CCSER1: variants seen among roughly 807,000 people sequenced by gnomAD.
CCSER1 encodes serine-rich coiled-coil domain-containing protein 1.
CCSER1 carries 41 observed loss-of-function variants against 82.0 expected under a neutral mutation model. That is an observed-to-expected ratio of 0.50 (90% CI 0.39 to 0.65). The LOEUF (loss-of-function observed/expected upper bound fraction) is 0.65, where lower values mean the gene tolerates loss of function less well. Among genes scored for constraint, CCSER1 ranks in the 30% least tolerant of loss-of-function variants. The pLI, the probability that CCSER1 is intolerant of heterozygous loss-of-function variation, is 0.00. For missense variants in CCSER1, 1,119 were observed against 1,064.2 expected (o/e 1.05, Z -0.72); for synonymous variants, 414 against 383.9 (o/e 1.08, Z -0.92).
chr4:91,067,034 A>G (rs1016842121), intron 9 of CCSER1, among the ~76,000 whole-genome samples: 31 of 152,186 alleles, frequency 2.0e-4, no homozygotes, highest in Admixed American at 1.7e-3. Context: ...GCATGGTGGC[A>G]GGTGCCTGTA....
chr4:91,163,002 T>G (rs1409761929), intron 10 of CCSER1, among the ~76,000 whole-genome samples: 1 of 152,206 alleles, frequency 6.6e-6, no homozygotes, highest in African/African-American at 2.4e-5. Flanking sequence ...CTTGCCTCTC[T>G]ACTTCTTTTT....
At chr4:90,211,593 A>G (rs1740009764) in intron 1 of CCSER1, among the ~76,000 whole-genome samples, 1 of 152,240 alleles carries the variant, frequency 6.6e-6, no homozygotes, top group South Asian at 2.1e-4. Flanking sequence ...TGGCAAAATC[A>G]CATTGAAGGA....
At chr4:90,907,553 TCA>T (rs1449929046) in intron 8 of CCSER1, among the ~76,000 whole-genome samples, 2 of 152,092 alleles carry the variant, frequency 1.3e-5, no homozygotes, top group Non-Finnish European at 2.9e-5. Context: ...AATCTTTCAC[TCA>T]CAATGTAAAA....
chr4:90,916,747 T>G (rs896470624), intron 8 of CCSER1, among the ~76,000 whole-genome samples: 2 of 151,664 alleles, frequency 1.3e-5, no homozygotes, highest in African/African-American at 2.4e-5. Context: ...TGGGAGAAAA[T>G]TTTTGCAATC....
rs371463830 is a variant in CCSER1, at chr4:91,083,702, AAG to A, written c.2173-2246_2173-2245del. Among the ~76,000 whole-genome samples, 100 of 152,276 alleles carry A rather than the reference AAG, an allele frequency of 6.6e-4. No homozygotes were observed. The East Asian group carries it at 0.018, about 27-fold the overall frequency. On this transcript the variant is annotated intron_variant, in intron 9 of 10. Transcript: ENST00000509176. Reference sequence around the variant, plus strand: ...AATTAAACTTCTAGAAATGAAAACTAAGATAGCTGAAATAAAAATTTCACTGA... The same window carrying A: ...AATTAAACTTCTAGAAATGAAAACTAATAGCTGAAATAAAAATTTCACTGA...
chr4:91,402,825 G>A (rs1434812326), intron 10 of CCSER1, among the ~76,000 whole-genome samples: 1 of 152,174 alleles, frequency 6.6e-6, no homozygotes, highest in Admixed American at 6.5e-5. Context: ...AAGTCAGGTA[G>A]CATGATGCCT....
chr4:90,918,375 T>A, intron 8 of CCSER1: 2 of 405,440 alleles, frequency 4.9e-6, no homozygotes, highest in South Asian at 3.6e-5. Flanking sequence ...TTTTTGGGAT[T>A]ATTGAGTATT....
At chr4:90,411,214 A>G (rs1578338755) in intron 4 of CCSER1, among the ~76,000 whole-genome samples, 3 of 152,188 alleles carry the variant, frequency 2.0e-5, no homozygotes, top group South Asian at 2.1e-4. Context: ...AGCTGGTACC[A>G]TTCCTTCTGA....
At chr4:90,590,504 C>G (rs1339446899) in intron 5 of CCSER1, among the ~76,000 whole-genome samples, 1 of 151,562 alleles carries the variant, frequency 6.6e-6, no homozygotes, top group African/African-American at 2.4e-5. Context: ...CACTTGAACT[C>G]AGGAGGCAGA....
intron 10 of CCSER1, among the ~76,000 whole-genome samples, chr4:91,097,993 G>C (rs1554067517): frequency 1.3e-5 from 2 of 152,070 alleles, no homozygotes; most frequent in Non-Finnish European, 2.9e-5. Flanking sequence ...AATTACTGAT[G>C]ATACAAACCT....
intron 5 of CCSER1, among the ~76,000 whole-genome samples, chr4:90,484,161 G>A (rs541471142): frequency 9.2e-5 from 14 of 152,086 alleles, no homozygotes; most frequent in Non-Finnish European, 1.3e-4. Context: ...CCAGTTGATC[G>A]CATCGGTTAC....
chr4:90,257,452 G>GA (rs1288715335), intron 1 of CCSER1, among the ~76,000 whole-genome samples: 1 of 152,010 alleles, frequency 6.6e-6, no homozygotes, highest in African/African-American at 2.4e-5. Flanking sequence ...TATGCTGGTG[G>GA]AAAAGAGATT....
At chr4:91,024,845 G>T (rs34748050) in intron 9 of CCSER1, among the ~76,000 whole-genome samples, 10,640 of 152,024 alleles carry the variant, frequency 0.07, 532 homozygotes, top group East Asian at 0.19. Context: ...AAAATTGAAG[G>T]TTATGTGAGT....
At chr4:90,628,664 A>C (rs1723782139) in intron 6 of CCSER1, among the ~76,000 whole-genome samples, 1 of 152,202 alleles carries the variant, frequency 6.6e-6, no homozygotes, top group African/African-American at 2.4e-5. Context: ...GAATTCAGTA[A>C]AATTGAATTA....
chr4:90,350,755 T>A (rs1743281962), intron 3 of CCSER1, among the ~76,000 whole-genome samples: 1 of 152,078 alleles, frequency 6.6e-6, no homozygotes, highest in African/African-American at 2.4e-5. Context: ...TTTTAAAAGA[T>A]CTTGAAGTAC....
At chr4:90,753,853 TCTGGCAATG>T (rs1248462819) in intron 7 of CCSER1, among the ~76,000 whole-genome samples, 1 of 152,194 alleles carries the variant, frequency 6.6e-6, no homozygotes, top group Non-Finnish European at 1.5e-5. Context: ...CTTTTCTAGA[TCTGGCAATG>T]CTGGCCTTCA....
At chr4:90,605,897 G>A (rs922994773) in intron 5 of CCSER1, among the ~76,000 whole-genome samples, 2 of 151,670 alleles carry the variant, frequency 1.3e-5, no homozygotes, top group East Asian at 3.9e-4. Flanking sequence ...GTTTTATAGT[G>A]CTTAAGTTTA....
chr4:90,279,299 T>C (rs1241192706), intron 1 of CCSER1, among the ~76,000 whole-genome samples: 2 of 152,050 alleles, frequency 1.3e-5, no homozygotes, highest in African/African-American at 4.8e-5. Context: ...TGTATGCACA[T>C]AGTTTTATCT....
intron 6 of CCSER1, among the ~76,000 whole-genome samples, chr4:90,691,594 CACAT>C (rs1735933539): frequency 9.2e-6 from 1 of 108,260 alleles, no homozygotes; most frequent in African/African-American, 2.9e-5. Flanking sequence ...GTGAATATAT[CACAT>C]GTGTATATAT....
Sources: allele counts gnomAD v4.1 joint callset (sites outside exome capture counted in the v4.1 genomes callset), GRCh38; gene constraint gnomAD v4.1.1; transcripts MANE v1.5; gene names NCBI Gene and HGNC (gene_info 2026-07-23, HGNC 2026-07-21).